Variants in STXBP5 observed in about 807,000 individuals in gnomAD.
The protein encoded by STXBP5 is syntaxin-binding protein 5.
In STXBP5, 50 loss-of-function variants were observed where a neutral mutation model predicts 152.4. The observed-to-expected ratio is 0.33, with a 90% CI of 0.26 to 0.42. The LOEUF is 0.42. STXBP5 is among the 10% of genes least tolerant of loss of function. The pLI is 1.00. For missense variants in STXBP5, 1,167 were observed against 1,388.6 expected (o/e 0.84, Z 2.54); for synonymous variants, 492 against 494.7 (o/e 0.99, Z 0.07).
intron 9 of STXBP5, among the ~76,000 whole-genome samples, chr6:147,309,635 G>A (rs1433406936): frequency 1.3e-5 from 2 of 152,048 alleles, no homozygotes; most frequent in African/African-American, 4.8e-5. Context: ...TCTCTCAAAA[G>A]TGATTTGTAT....
chr6:147,286,564 G>C (rs578183994), intron 8 of STXBP5, among the ~76,000 whole-genome samples: 1 of 152,200 alleles, frequency 6.6e-6, no homozygotes, highest in South Asian at 2.1e-4. Context: ...ATGATTGATA[G>C]CTTATTAATT....
chr6:147,373,664 T>C, intron 25 of STXBP5, 67 bp from the exon 26 acceptor site: 2 of 1,130,488 alleles, frequency 1.8e-6, no homozygotes, highest in South Asian at 1.3e-5. Context: ...TTTACAGTGA[T>C]ACTTTTGTTC....
chr6:147,323,581 G>A lies in STXBP5; in HGVS notation c.1803-1378G>A, dbSNP rs1286007562. 2.6e-5 allele frequency among the ~76,000 whole-genome samples: 4 copies of A among 151,986 alleles called. No individual in the cohort carries two copies. In the East Asian group the frequency reaches 5.8e-4, roughly 22 times the overall value. ...TAATTTTTGTATGTTTAGTAGAGAC[G>A]GGGTTTCGCCATGTTGGCCAGGCTG... On this transcript the variant is annotated intron_variant, in intron 16 of 27. Coordinates refer to ENST00000321680, the MANE Select transcript of STXBP5 (RefSeq NM_001127715.4).
At chr6:147,295,256 A>G (rs752666681) in intron 9 of STXBP5, among the ~76,000 whole-genome samples, 12 of 152,186 alleles carry the variant, frequency 7.9e-5, no homozygotes, top group Non-Finnish European at 1.5e-4. Flanking sequence ...GATGGGTTCA[A>G]ATAGGTACTC....
At chr6:147,333,012 C>T (rs1783655280) in intron 18 of STXBP5, among the ~76,000 whole-genome samples, 1 of 152,016 alleles carries the variant, frequency 6.6e-6, no homozygotes, top group Non-Finnish European at 1.5e-5. Context: ...TCAAATTTTA[C>T]CATTTTTATT....
chr6:147,349,686 T>G (rs1383966517), intron 21 of STXBP5, among the ~76,000 whole-genome samples: 4 of 152,188 alleles, frequency 2.6e-5, no homozygotes, highest in African/African-American at 9.7e-5. Context: ...TAGTACATAC[T>G]ACATTTTGGA....
chr6:147,375,642 TAAAG>T (rs956324965), intron 26 of STXBP5, among the ~76,000 whole-genome samples: 3 of 150,622 alleles, frequency 2.0e-5, no homozygotes, highest in Non-Finnish European at 3.0e-5. Flanking sequence ...AATATATATA[TAAAG>T]AAAGAAGTCA....
At chr6:147,359,446 T>G (rs997109478) in intron 23 of STXBP5, 123 bp downstream of exon 23, 2 of 1,164,120 alleles carry the variant, frequency 1.7e-6, no homozygotes, top group Non-Finnish European at 2.3e-6. Context: ...GGGACAGTGA[T>G]GGCCTTATTT....
intron 25 of STXBP5, among the ~76,000 whole-genome samples, chr6:147,372,393 C>T (rs1031037861): frequency 8.3e-6 from 1 of 120,636 alleles, no homozygotes; most frequent in Non-Finnish European, 1.7e-5. Flanking sequence ...ATAAATGTTA[C>T]TACCGTCCTT....
intron 2 of STXBP5, among the ~76,000 whole-genome samples, chr6:147,215,114 A>G (rs191281371): frequency 1.2e-3 from 186 of 152,364 alleles, no homozygotes; most frequent in African/African-American, 4.3e-3. Context: ...CACAAATGCA[A>G]CCATAAACAA....
At chr6:147,266,659 A>G (rs1202065546) in intron 6 of STXBP5, among the ~76,000 whole-genome samples, 2 of 151,832 alleles carry the variant, frequency 1.3e-5, no homozygotes, top group African/African-American at 4.8e-5. Context: ...TGTGTAGATA[A>G]GTGGAGATGT....
At chr6:147,358,551 G>A (rs1784912937) in intron 22 of STXBP5, among the ~76,000 whole-genome samples, 1 of 152,058 alleles carries the variant, frequency 6.6e-6, no homozygotes, top group African/African-American at 2.4e-5. Flanking sequence ...TTTAAACAAT[G>A]CAGGTGTTAA....
At chr6:147,319,318 T>C (rs1166421372) in intron 16 of STXBP5, among the ~76,000 whole-genome samples, 1 of 152,154 alleles carries the variant, frequency 6.6e-6, no homozygotes, top group African/African-American at 2.4e-5. Flanking sequence ...AGCCTGGAAT[T>C]ATTCCATTTA....
chr6:147,217,333 G>A (rs567345302), intron 2 of STXBP5, among the ~76,000 whole-genome samples: 2 of 152,244 alleles, frequency 1.3e-5, no homozygotes, highest in South Asian at 2.1e-4. Flanking sequence ...AAAGAACTTA[G>A]CCATTAGGCA....
At chr6:147,343,773 A>G (rs1319245300) in intron 21 of STXBP5, among the ~76,000 whole-genome samples, 1 of 152,214 alleles carries the variant, frequency 6.6e-6, no homozygotes, top group Non-Finnish European at 1.5e-5. Context: ...TTAAGTTATC[A>G]AATTATTTTA....
intron 2 of STXBP5, among the ~76,000 whole-genome samples, chr6:147,213,477 T>TGCGCGCGCGCGCGCGC (rs1554282764): frequency 5.0e-4 from 66 of 131,260 alleles, no homozygotes; most frequent in Non-Finnish European, 9.0e-4. Context: ...TGTGTGTGTG[T>TGCGCGCGCGCGCGCGC]GCGCGCGCAT....
At chr6:147,318,306 A>AGGT (rs1782744885) in intron 16 of STXBP5, among the ~76,000 whole-genome samples, 1 of 152,206 alleles carries the variant, frequency 6.6e-6, no homozygotes, top group Non-Finnish European at 1.5e-5. Flanking sequence ...CCAGCCTGAT[A>AGGT]GGTGAGTCTT....
intron 4 of STXBP5, among the ~76,000 whole-genome samples, chr6:147,240,116 A>G (rs1327578239): frequency 2.0e-5 from 3 of 151,812 alleles, no homozygotes; most frequent in Non-Finnish European, 4.4e-5. Context: ...TAATTTTTGT[A>G]TTTTTAGTAG....
At chr6:147,235,450 A>C in intron 3 of STXBP5, 119 bp downstream of exon 3, 2 of 736,504 alleles carry the variant, frequency 2.7e-6, no homozygotes, top group South Asian at 3.8e-5. Context: ...TTAATTTATA[A>C]TGGATCAGAA....
Sources: gnomAD v4.1 joint callset for allele counts (sites outside exome capture counted in the v4.1 genomes callset) on GRCh38, gnomAD v4.1.1 for gene constraint, MANE v1.5 for transcripts, NCBI Gene and HGNC (gene_info 2026-07-23, HGNC 2026-07-21) for gene names.